The following GAS2 variants were observed in gnomAD, a reference collection of about 807,000 sequenced individuals.
GAS2 encodes the protein growth arrest specific 2, also known as growth arrest-specific protein 2.
A neutral mutation model predicts 37.5 loss-of-function variants in GAS2; 20 were observed. That is an observed-to-expected ratio of 0.53 (90% confidence interval 0.37 to 0.77). GAS2 has a LOEUF of 0.77. Ranked by LOEUF, GAS2 falls within the 30% of genes least tolerant of loss-of-function variation. GAS2 has a pLI of 0.00. For missense variants in GAS2, 336 were observed against 373.4 expected, an observed-to-expected ratio of 0.90 and a Z score of 0.82; for synonymous variants, 144 against 132.2, an observed-to-expected ratio of 1.09 and a Z score of -0.61.
intron 7 of GAS2, among the ~76,000 whole-genome samples, chr11:22,771,206 A>G (rs1466607454): frequency 6.6e-6 from 1 of 152,136 alleles, no homozygotes; most frequent in Non-Finnish European, 1.5e-5. Context: ...GTAACCTAGT[A>G]ATACAATATT....
At chr11:22,800,949 C>T (rs539641184) in intron 7 of GAS2, among the ~76,000 whole-genome samples, 4 of 140,488 alleles carry the variant, frequency 2.8e-5, no homozygotes, top group Admixed American at 2.7e-4. Flanking sequence ...CCAATAAATG[C>T]ATATTTTTTT....
intron 2 of GAS2, among the ~76,000 whole-genome samples, chr11:22,679,878 T>G (rs1485232266): frequency 6.6e-6 from 1 of 152,148 alleles, no homozygotes; most frequent in Non-Finnish European, 1.5e-5. Context: ...TTACTTATAT[T>G]TAGAAAATGC....
chr11:22,690,467 G>T (rs756026008), intron 3 of GAS2, among the ~76,000 whole-genome samples: 1 of 152,106 alleles, frequency 6.6e-6, no homozygotes, highest in Non-Finnish European at 1.5e-5. Flanking sequence ...TTCTAACTCT[G>T]CATGGGAGCA....
At chr11:22,717,701 G>A (rs1851748405) in intron 3 of GAS2, among the ~76,000 whole-genome samples, 1 of 151,582 alleles carries the variant, frequency 6.6e-6, no homozygotes, top group Admixed American at 6.6e-5. Context: ...CAGTATGAGA[G>A]AAATATTCAC....
chr11:22,811,742 T>C, intron 7 of GAS2, 56 bp from the exon 8 acceptor site: 1 of 1,520,076 alleles, frequency 6.6e-7, no homozygotes, highest in African/African-American at 1.4e-5. Context: ...AGGGGTTGAT[T>C]CAAGGTACTG....
chr11:22,789,890 G>T (rs990511660), intron 7 of GAS2, among the ~76,000 whole-genome samples: 1 of 152,026 alleles, frequency 6.6e-6, no homozygotes. Context: ...ACAAGTAAAT[G>T]GTTCCTTATA....
chr11:22,677,400 A>T (rs1245394078), intron 2 of GAS2, among the ~76,000 whole-genome samples: 1 of 152,192 alleles, frequency 6.6e-6, no homozygotes, highest in South Asian at 2.1e-4. Context: ...AGAGAGTTTC[A>T]TGAGACATGT....
chr11:22,705,555 A>G (rs1851073414), intron 3 of GAS2, among the ~76,000 whole-genome samples: 1 of 152,228 alleles, frequency 6.6e-6, no homozygotes, highest in African/African-American at 2.4e-5. Flanking sequence ...TACATAAAAT[A>G]TGAACATATA....
intron 4 of GAS2, among the ~76,000 whole-genome samples, chr11:22,735,612 T>C (rs895634386): frequency 1.3e-5 from 2 of 151,840 alleles, no homozygotes; most frequent in African/African-American, 2.4e-5. Flanking sequence ...ATACACAATA[T>C]TGATGCATCC....
intron 5 of GAS2, among the ~76,000 whole-genome samples, chr11:22,747,009 A>G (rs550640743): frequency 1.4e-4 from 22 of 152,310 alleles, no homozygotes; most frequent in African/African-American, 4.1e-4. Flanking sequence ...ATTCAGCATA[A>G]TCAATGATTA....
At position 22,789,655 on chromosome 11, in the gene GAS2, C is replaced by T. The variant is rs545028819; in HGVS notation, c.724-22143C>T. Reference sequence around the variant, plus strand: ...TTTTTTGTATTTTTTTTAGTAGAGACGGGGTTTCACCGCGTTAACCAGAAT... The same window carrying T: ...TTTTTTGTATTTTTTTTAGTAGAGATGGGGTTTCACCGCGTTAACCAGAAT... On this transcript the variant is annotated intron_variant, in intron 7 of 7. Transcript: ENST00000454584. Among the ~76,000 whole-genome samples, 45 of 149,908 alleles carry T rather than the reference C, an allele frequency of 3.0e-4. No individual in the cohort carries two copies. The East Asian group carries it at 4.6e-3, about 15-fold the overall frequency.
At chr11:22,761,385 T>G (rs1011188175) in intron 7 of GAS2, among the ~76,000 whole-genome samples, 2 of 152,186 alleles carry the variant, frequency 1.3e-5, no homozygotes, top group African/African-American at 2.4e-5. Context: ...TTAACTAAGC[T>G]GCTCTAATGT....
intron 6 of GAS2, among the ~76,000 whole-genome samples, chr11:22,752,375 G>A (rs1853790751): frequency 1.3e-5 from 2 of 151,926 alleles, no homozygotes; most frequent in South Asian, 4.2e-4. Flanking sequence ...TTTTATTTCA[G>A]GAACAGTGGA....
At chr11:22,693,446 T>A (rs1850349841) in intron 3 of GAS2, among the ~76,000 whole-genome samples, 1 of 152,156 alleles carries the variant, frequency 6.6e-6, no homozygotes, top group African/African-American at 2.4e-5. Flanking sequence ...TGATTTTCAT[T>A]GAGATGTGGT....
chr11:22,699,435 G>A (rs1850714632), intron 3 of GAS2, among the ~76,000 whole-genome samples: 1 of 152,066 alleles, frequency 6.6e-6, no homozygotes, highest in Admixed American at 6.6e-5. Flanking sequence ...AGAATGTATT[G>A]GAAAGATATG....
intron 7 of GAS2, among the ~76,000 whole-genome samples, chr11:22,797,616 C>G (rs923361619): frequency 1.2e-4 from 19 of 152,064 alleles, no homozygotes; most frequent in Non-Finnish European, 1.5e-5. Flanking sequence ...ACCCACTTAA[C>G]CACTATTTCT....
intron 7 of GAS2, among the ~76,000 whole-genome samples, chr11:22,782,227 C>T (rs1855587016): frequency 6.6e-6 from 1 of 152,048 alleles, no homozygotes; most frequent in African/African-American, 2.4e-5. Context: ...ATTAATTAGA[C>T]AGATTTGTTG....
intron 7 of GAS2, among the ~76,000 whole-genome samples, chr11:22,790,770 T>C (rs1856117169): frequency 6.6e-6 from 1 of 151,936 alleles, no homozygotes; most frequent in Admixed American, 6.6e-5. Flanking sequence ...GCTTTCAGTA[T>C]GTTTTCTTAG....
chr11:22,800,664 ACAGATTTGTCACTGT>A (rs1372067474), intron 7 of GAS2, among the ~76,000 whole-genome samples: 31 of 152,094 alleles, frequency 2.0e-4, no homozygotes, highest in East Asian at 7.7e-4. Context: ...ACAGAATGAA[ACAGATTTGTCACTGT>A]CATCCTGAGA....
Sources: gnomAD v4.1 joint callset for allele counts (sites outside exome capture counted in the v4.1 genomes callset) on GRCh38, gnomAD v4.1.1 for gene constraint, MANE v1.5 for transcripts, NCBI Gene and HGNC (gene_info 2026-07-23, HGNC 2026-07-21) for gene names.